The following ANTXR2 variants were observed in gnomAD, a reference collection of about 807,000 sequenced individuals.
The protein encoded by ANTXR2 is ANTXR cell adhesion molecule 2, also known as anthrax toxin receptor 2.
In ANTXR2, 44 loss-of-function variants were observed where a neutral mutation model predicts 73.7. That is an observed-to-expected ratio of 0.60 (90% CI 0.47 to 0.77). The LOEUF (loss-of-function observed/expected upper bound fraction) is 0.77. Among genes scored for constraint, ANTXR2 ranks in the 30% least tolerant of loss-of-function variants. The pLI is 0.00. For synonymous variants in ANTXR2, 217 were observed against 205.9 expected (o/e 1.05, Z -0.46); for missense variants, 604 against 592.5 (o/e 1.02, Z -0.20).
chr4:80,018,899 C>T lies in ANTXR2; in HGVS notation c.944G>A (p.Cys315Tyr). Residue 315 changes from cysteine to tyrosine, a missense_variant and splice_region_variant, in exon 11 of 17, where the codon TGT becomes TAT. Coordinates refer to ENST00000403729, the MANE Select transcript of ANTXR2 (RefSeq NM_058172.6). Reference sequence around the variant, plus strand: ...ATCTTTGTGCAAACTTTTACTTACACATTCTGTGGCTGTGACAATTAATGA... The same window carrying T: ...ATCTTTGTGCAAACTTTTACTTACATATTCTGTGGCTGTGACAATTAATGA... ...SGSLIVTATE[C>Y]SNGIAAIIVI... The T allele has an allele frequency of 6.6e-7, 1 of 1,515,364 alleles. No individual in the cohort carries two copies. Among genetic ancestry groups the T allele is most frequent in the Non-Finnish European group, 8.8e-7 (1 of 1,133,176 alleles). The allele number at this position is 1,515,364 out of a possible 1,614,324, so 93.9% of individuals were successfully genotyped here.
chr4:80,070,205 T>G (rs947645084), intron 2 of ANTXR2, among the ~76,000 whole-genome samples: 1 of 152,176 alleles, frequency 6.6e-6, no homozygotes, highest in Non-Finnish European at 1.5e-5. Flanking sequence ...AAACTGAAAA[T>G]CAGAATCCTC....
intron 16 of ANTXR2, among the ~76,000 whole-genome samples, chr4:79,934,417 C>T (rs564974630): frequency 5.3e-5 from 8 of 152,142 alleles, no homozygotes; most frequent in African/African-American, 1.7e-4. Flanking sequence ...ATCCCAGCTA[C>T]TTGGGAGGCT....
chr4:79,934,527 AAAC>A (rs1461513704), intron 16 of ANTXR2, among the ~76,000 whole-genome samples: 4 of 135,042 alleles, frequency 3.0e-5, no homozygotes, highest in African/African-American at 5.8e-5. Context: ...ACCCTGTCTA[AAAC>A]AACAACAACA....
At chr4:80,012,981 G>A (rs1167195723) in intron 11 of ANTXR2, among the ~76,000 whole-genome samples, 1 of 152,194 alleles carries the variant, frequency 6.6e-6, no homozygotes, top group Non-Finnish European at 1.5e-5. Flanking sequence ...AAAGGATTTA[G>A]CACATATACA....
intron 16 of ANTXR2, among the ~76,000 whole-genome samples, chr4:79,910,417 G>A (rs950499848): frequency 2.3e-4 from 35 of 150,830 alleles, no homozygotes; most frequent in African/African-American, 5.6e-4. Context: ...GCTGAGGCAG[G>A]AGAATCGCTT....
In ANTXR2 at chr4:80,055,481, A is replaced by C. The variant is rs1733953445; in HGVS notation, c.379-14T>G. On this transcript the variant is annotated splice_polypyrimidine_tract_variant and intron_variant, in intron 4 of 16. Coordinates refer to ENST00000403729, the MANE Select transcript of ANTXR2 (RefSeq NM_058172.6). ...TTGTTCATTCGCCTGAAAATGAAGA[A>C]TAATTATCCAACTCACAATTTAATT... The C allele has an allele frequency of 6.3e-7, 1 of 1,584,464 alleles. No homozygotes were observed. Among genetic ancestry groups the C allele is most frequent in the Non-Finnish European group, 8.6e-7 (1 of 1,156,750 alleles).
rs879227869 is a variant in ANTXR2 at position 80,018,763 on chromosome 4, T to C, written c.945+135A>G. ...CACCCAAAACGAATTCTATACAAAA[T>C]TTTTCCTTGTAATGGTCTCCAATGT... is the stretch of plus-strand genomic sequence containing the variant. On this transcript the variant is annotated intron_variant, in intron 11 of 16. Transcript: ENST00000403729. The C allele has an allele frequency of 1.3e-5, 9 of 714,784 alleles. 1 individual carries two copies. The South Asian group carries it at 1.8e-4, about 14-fold the overall frequency. 44.3% of individuals were successfully genotyped at this position (714,784 alleles called of 1,614,324 possible). A position where few individuals can be genotyped will look rare whatever the true frequency, so the allele number is the denominator to read the frequency against.
At chr4:80,003,354 T>G (rs913056714) in intron 12 of ANTXR2, among the ~76,000 whole-genome samples, 9 of 130,728 alleles carry the variant, frequency 6.9e-5, no homozygotes, top group Non-Finnish European at 1.2e-4. Flanking sequence ...AGGTGGGAAT[T>G]GAACAATGAG....
At chr4:79,919,158 G>A (rs968840085) in intron 16 of ANTXR2, among the ~76,000 whole-genome samples, 18 of 152,018 alleles carry the variant, frequency 1.2e-4, no homozygotes, top group African/African-American at 4.1e-4. Context: ...ATCAAATACA[G>A]TAAACTTAAG....
chr4:80,055,136 C>G lies in ANTXR2; in HGVS notation c.555+14G>C. 1.3e-6 allele frequency: 2 copies of G among 1,548,682 alleles called. No homozygotes were observed. Among genetic ancestry groups the G allele is most frequent in the Non-Finnish European group, 1.7e-6 (2 of 1,143,252 alleles). ...GTGGTTCAGATTAAAGTTTGCAGAT[C>G]TCTTGTAACTTACCTGTGCTTGTTC... On this transcript the variant is annotated intron_variant, in intron 6 of 16. Coordinates refer to ENST00000403729, the MANE Select transcript of ANTXR2 (RefSeq NM_058172.6).
chr4:80,000,250 G>GTA (rs1178922389), intron 12 of ANTXR2, among the ~76,000 whole-genome samples: 4 of 151,780 alleles, frequency 2.6e-5, no homozygotes, highest in East Asian at 3.9e-4. Flanking sequence ...ATTTCCCATT[G>GTA]TATATATATT....
intron 16 of ANTXR2, among the ~76,000 whole-genome samples, chr4:79,908,250 C>G (rs757847617): frequency 1.3e-5 from 2 of 152,174 alleles, no homozygotes; most frequent in African/African-American, 4.8e-5. Flanking sequence ...CCTCAACCAG[C>G]CAAAAGCTAG....
intron 7 of ANTXR2, among the ~76,000 whole-genome samples, chr4:80,048,504 C>T (rs555280049): frequency 6.6e-6 from 1 of 151,606 alleles, no homozygotes; most frequent in Non-Finnish European, 1.5e-5. Context: ...ATTTTTGTTT[C>T]TCCTATGAAT....
intron 7 of ANTXR2, among the ~76,000 whole-genome samples, chr4:80,045,379 T>A (rs1733472914): frequency 6.6e-6 from 1 of 151,726 alleles, no homozygotes; most frequent in African/African-American, 2.4e-5. Context: ...TTTTTACAAA[T>A]CTATTAAAAA....
intron 7 of ANTXR2, among the ~76,000 whole-genome samples, chr4:80,052,249 A>G (rs1242606491): frequency 2.0e-5 from 3 of 151,676 alleles, no homozygotes; most frequent in East Asian, 1.9e-4. Flanking sequence ...CAGAAACACT[A>G]TATTTGTTTT....
chr4:80,026,845 C>T (rs542953121), intron 10 of ANTXR2, among the ~76,000 whole-genome samples: 17 of 152,138 alleles, frequency 1.1e-4, no homozygotes, highest in Non-Finnish European at 1.9e-4. Context: ...TACATGGTGA[C>T]ATCTTATTAG....
In ANTXR2 at chr4:80,031,685, T is replaced by C. The variant is rs1413943378; in HGVS notation, c.804A>G (p.Lys268=). The change falls in exon 10 of 17, where the codon AAA becomes AAG. Residue 268 remains lysine, a synonymous_variant. Coordinates refer to ENST00000403729, the MANE Select transcript of ANTXR2 (RefSeq NM_058172.6). ...TAGAATTAAGCTGTACACTTACTGG[T>C]TTTACACCTAGAAAATAAAATGCCA... ...TVNETYTTSV[K]PVSVQLNSML... 6.7e-7 allele frequency: 1 copy of C among 1,491,494 alleles called. No homozygotes were observed. The highest frequency in any genetic ancestry group is 2.5e-5 in the Admixed American group (1 of 40,210). The allele number at this position is 1,491,494 out of a possible 1,614,324, so 92.4% of individuals were successfully genotyped here.
Position 79,907,392 on chromosome 4 carries a change from GC to G in ANTXR2, c.*36del. The G allele has an allele frequency of 6.3e-7, 1 of 1,598,732 alleles. No homozygotes were observed. Among genetic ancestry groups the G allele is most frequent in the East Asian group, 2.2e-5 (1 of 44,684 alleles). ...TTGAAAATCAGCTATGTGAAAATGT[GC>G]CATCTTCGTACCTTCTTGGTCTTCC... On this transcript the variant is annotated 3_prime_UTR_variant, in exon 17 of 17. Transcript: ENST00000403729.
chr4:79,927,989 A>G (rs1053058859), intron 16 of ANTXR2, among the ~76,000 whole-genome samples: 1 of 152,212 alleles, frequency 6.6e-6, no homozygotes, highest in Non-Finnish European at 1.5e-5. Context: ...TTACTACATG[A>G]TCCAGTAATC....
Sources: gnomAD v4.1 joint callset for allele counts (sites outside exome capture counted in the v4.1 genomes callset) on GRCh38, gnomAD v4.1.1 for gene constraint, MANE v1.5 for transcripts, NCBI Gene and HGNC (gene_info 2026-07-23, HGNC 2026-07-21) for gene names.